Variants in TKFC observed in about 807,000 individuals in gnomAD.
The protein encoded by TKFC is triokinase/FMN cyclase.
A neutral mutation model predicts 61.0 loss-of-function variants in TKFC; 46 were observed. The observed-to-expected ratio is 0.75, with a 90% CI of 0.60 to 0.96. The LOEUF (loss-of-function observed/expected upper bound fraction) is 0.96, where lower values mean the gene tolerates loss of function less well. Ranked by LOEUF, TKFC falls within the 50% of genes least tolerant of loss-of-function variation. The probability of loss-of-function intolerance (pLI) is 0.00; values close to 1 mark genes in which losing one functional copy is unlikely to be tolerated. For synonymous variants in TKFC, 314 were observed against 330.1 expected (o/e 0.95, Z 0.53); for missense variants, 715 against 777.5 (o/e 0.92, Z 0.96).
rs1254274397 is a variant in TKFC, at chr11:61,343,008, C to T, written c.865+164C>T. On this transcript the variant is annotated intron_variant, in intron 10 of 17. Transcript: ENST00000394900. ...CTTGAGCCTCTGTTTGTTTTCTTGTCTGCAAATTGGGGGTAATAATAATGG... is the reference window on the plus strand; with the variant it reads ...CTTGAGCCTCTGTTTGTTTTCTTGTTTGCAAATTGGGGGTAATAATAATGG... 3 of 698,070 alleles carry T rather than the reference C, an allele frequency of 4.3e-6. No individual in the cohort carries two copies. In the African/African-American group the frequency reaches 5.4e-5, roughly 13 times the overall value. 43.2% of individuals were successfully genotyped at this position (698,070 alleles called of 1,614,324 possible).
At position 61,348,505 on chromosome 11, in the gene TKFC, T is replaced by G; in HGVS notation, c.*2002T>G. The G allele has an allele frequency of 1.0e-6, 1 of 985,042 alleles. No individual in the cohort carries two copies. Among genetic ancestry groups the G allele is most frequent in the Non-Finnish European group, 1.2e-6 (1 of 829,726 alleles). 61.0% of individuals were successfully genotyped at this position (985,042 alleles called of 1,614,324 possible). ...TGTTATTAGAGACTGAATGTTTGTG[T>G]CCCCCCCAAATTCCTGTGTTGAAAG... is the stretch of plus-strand genomic sequence containing the variant. On this transcript the variant is annotated 3_prime_UTR_variant, in exon 18 of 18. Coordinates refer to ENST00000394900, the MANE Select transcript of TKFC (RefSeq NM_015533.4).
intron 2 of TKFC, among the ~76,000 whole-genome samples, chr11:61,336,972 C>G (rs1224794146): frequency 6.6e-6 from 1 of 152,158 alleles, no homozygotes; most frequent in Admixed American, 6.5e-5. Flanking sequence ...CTCCTGCCCC[C>G]TTTTTCCCTA....
Position 61,342,788 on chromosome 11 carries a change from G to A in TKFC, c.809G>A (p.Gly270Asp). The A allele has an allele frequency of 1.9e-6, 3 of 1,614,038 alleles. No homozygotes were observed. Among genetic ancestry groups the A allele is most frequent in the Non-Finnish European group, 2.5e-6 (3 of 1,180,040 alleles). ...SSVVMMVNNLGGLSFLELGII... is the reference protein window; with the variant it reads ...SSVVMMVNNLDGLSFLELGII... ...GTTGTGATGATGGTCAACAACCTGGGTGGCCTGTCATTCCTGGAACTGGGC... is the reference window on the plus strand; with the variant it reads ...GTTGTGATGATGGTCAACAACCTGGATGGCCTGTCATTCCTGGAACTGGGC... The change falls in exon 10 of 18, where the codon GGT (glycine) becomes GAT (aspartate). Residue 270 changes from glycine to aspartate, a missense_variant. Transcript: ENST00000394900.
rs1857214068 is a variant in TKFC, at chr11:61,347,814, C to A, written c.*1311C>A. The A allele has an allele frequency of 1.0e-6, 1 of 973,040 alleles. No individual in the cohort carries two copies. The highest frequency in any genetic ancestry group is 1.2e-6 in the Non-Finnish European group (1 of 818,804). The allele number at this position is 973,040 out of a possible 1,614,324, so 60.3% of individuals were successfully genotyped here. ...ATCTGTAAAATCAGAATGGTACCCA[C>A]CTCATGGGGACATGAAAGGATTCAA... is the stretch of plus-strand genomic sequence containing the variant. On this transcript the variant is annotated 3_prime_UTR_variant, in exon 18 of 18. Coordinates refer to ENST00000394900, the MANE Select transcript of TKFC (RefSeq NM_015533.4).
Position 61,343,903 on chromosome 11 carries a change from A to G in TKFC, c.1030A>G (p.Ile344Val). Residue 344 changes from isoleucine to valine, a missense_variant, in exon 12 of 18, where the codon ATT becomes GTT. By Grantham distance (29) the Ile-to-Val change is conservative. Transcript: ENST00000394900. ...CTGGCCTAACGTGGCTGCAGTCTCCATTACTGGGCGGAAGCGGAGCCGGGT... is the reference window on the plus strand; with the variant it reads ...CTGGCCTAACGTGGCTGCAGTCTCCGTTACTGGGCGGAAGCGGAGCCGGGT... ...AAWPNVAAVS[I>V]TGRKRSRVAP... is the part of the protein sequence containing the mutation. 2 of 1,611,204 alleles carry G rather than the reference A, an allele frequency of 1.2e-6. No individual in the cohort carries two copies. The highest frequency in any genetic ancestry group is 1.3e-5 in the African/African-American group (1 of 75,030).
intron 2 of TKFC, 35 bp downstream of exon 2, chr11:61,334,766 A>G (rs768898400): frequency 1.2e-6 from 2 of 1,613,932 alleles, no homozygotes; most frequent in East Asian, 2.2e-5. Context: ...GAATGGCAGC[A>G]TGGTCTCAAA....
Position 61,345,477 on chromosome 11 carries a change from C to G in TKFC, c.1363C>G (p.Leu455Val). ...GSSGALYGLF[L>V]TAAAQPLKAK... ...TCTTCCCCAGCTCTATGGCCTGTTC[C>G]TGACTGCGGCTGCACAGCCCCTGAA... Residue 455 changes from leucine to valine, a missense_variant, in exon 15 of 18, where the codon CTG (leucine) becomes GTG (valine). By Grantham distance (32) the Leu-to-Val change is conservative. Transcript: ENST00000394900. 1.2e-6 allele frequency: 2 copies of G among 1,613,390 alleles called. No homozygotes were observed. The highest frequency in any genetic ancestry group is 8.5e-7 in the Non-Finnish European group (1 of 1,180,026).
In TKFC at chr11:61,342,635, C is replaced by G. The variant is rs756338140; in HGVS notation, c.752C>G (p.Ala251Gly). 1.2e-6 allele frequency: 2 copies of G among 1,614,102 alleles called. No homozygotes were observed. The highest frequency in any genetic ancestry group is 2.2e-5 in the East Asian group (1 of 44,888). ...MLDHMTNTTN[A>G]SHVPVQPGSS... ...GACCACATGACAAACACCACCAACG[C>G]GTCCCATGTGCCTGTGCAGCCCGGT... The change falls in exon 9 of 18, where the codon GCG becomes GGG. Residue 251 changes from alanine to glycine, a missense_variant. By Grantham distance (60) the Ala-to-Gly change is moderately conservative (BLOSUM62 0). Transcript: ENST00000394900.
At chr11:61,349,660 C>T (rs764286283), downstream of TKFC, 124 of 702,608 alleles carry the variant, frequency 1.8e-4, 1 homozygote, top group Non-Finnish European at 2.8e-4. Context: ...GAGGTGGAGC[C>T]GCACGGTCAC....
At chr11:61,342,901 G>T in intron 10 of TKFC, 57 bp downstream of exon 10, 1 of 1,545,694 alleles carries the variant, frequency 6.5e-7, no homozygotes. Flanking sequence ...CTGAGGGAGG[G>T]TCTTGTGATG....
At position 61,339,112 on chromosome 11, in the gene TKFC, G is replaced by A; in HGVS notation, c.240G>A (p.Val80=). Reference sequence around the variant, plus strand: ...TGACTGGGGTCATCGCGGGAGCTGTGTTCACCTCCCCGGCAGTGGGCAGCA... The same window carrying A: ...TGACTGGGGTCATCGCGGGAGCTGTATTCACCTCCCCGGCAGTGGGCAGCA... The part of the protein sequence containing the change: ...GMLTGVIAGA[V]FTSPAVGSIL... Residue 80 remains valine (V), a synonymous_variant, in exon 4 of 18, where the codon GTG becomes GTA. Coordinates refer to ENST00000394900, the MANE Select transcript of TKFC (RefSeq NM_015533.4). 2 of 1,613,790 alleles carry A rather than the reference G, an allele frequency of 1.2e-6. No homozygotes were observed. The highest frequency in any genetic ancestry group is 1.7e-6 in the Non-Finnish European group (2 of 1,180,000).
At chr11:61,339,543 C>A in intron 5 of TKFC, 108 bp downstream of exon 5, 1 of 1,282,396 alleles carries the variant, frequency 7.8e-7, no homozygotes, top group Non-Finnish European at 1.1e-6. Flanking sequence ...GAAGCTAGTT[C>A]TTTTTCTCCA....
intron 2 of TKFC, 90 bp from the exon 3 acceptor site, chr11:61,337,851 G>T (rs1856674072): frequency 1.6e-6 from 2 of 1,279,824 alleles, no homozygotes; most frequent in East Asian, 2.6e-5. Flanking sequence ...GGATGCGGGA[G>T]AGGGGTCTAC....
At chr11:61,345,821 G>T (rs765586143) in intron 16 of TKFC, 36 bp from the exon 17 acceptor site, 2 of 1,614,128 alleles carry the variant, frequency 1.2e-6, no homozygotes, top group Non-Finnish European at 1.7e-6. Context: ...CGGTTGCAGG[G>T]CCCGTGCTCA....
downstream of TKFC, chr11:61,350,723 A>G (rs1206607413): frequency 1.7e-6 from 1 of 592,194 alleles, no homozygotes; most frequent in Non-Finnish European, 2.9e-6. Context: ...GAAGAAGATA[A>G]GGCCACACTT....
chr11:61,342,884 G>C, intron 10 of TKFC, 40 bp downstream of exon 10: 1 of 1,592,664 alleles, frequency 6.3e-7, no homozygotes, highest in Non-Finnish European at 8.6e-7. Flanking sequence ...CAGCCCTTTG[G>C]AAAGGGCTGA....
intron 2 of TKFC, 148 bp downstream of exon 2, chr11:61,334,879 C>CTT: frequency 2.4e-6 from 3 of 1,242,366 alleles, no homozygotes; most frequent in Non-Finnish European, 3.4e-6. Flanking sequence ...CATCCTCTCT[C>CTT]CCAGGGTCTG....
rs768760680 is a variant in TKFC at position 61,346,453 on chromosome 11, G to T, written c.1678G>T (p.Val560Leu). The T allele has an allele frequency of 6.2e-6, 10 of 1,610,358 alleles. No homozygotes were observed. Among genetic ancestry groups the T allele is most frequent in the Non-Finnish European group, 6.8e-6 (8 of 1,179,516 alleles). ...GCTGGAGCAGCCAGACCCCGGGGCG[G>T]TGGCAGCTGCTGCCATCCTCCGGGC... ...ARLEQPDPGA[V>L]AAAAILRAIL... is the part of the protein sequence containing the mutation. The change falls in exon 18 of 18, where the codon GTG (valine) becomes TTG (leucine). Residue 560 changes from valine (V) to leucine (L), a missense_variant. Val to Leu is a conservative substitution (Grantham distance 32, BLOSUM62 1). Coordinates refer to ENST00000394900, the MANE Select transcript of TKFC (RefSeq NM_015533.4). This position sits in a 1 kb window ranked among gnomAD's most constrained non-coding sequence, Gnocchi z 4.1.
Position 61,343,400 on chromosome 11 carries a change from G to A in TKFC, c.924G>A (p.Glu308=). The A allele has an allele frequency of 6.2e-7, 1 of 1,614,222 alleles. No homozygotes were observed. Among genetic ancestry groups the A allele is most frequent in the Non-Finnish European group, 8.5e-7 (1 of 1,180,022 alleles). ...TGGGCACCTTCATGTCAGCACTGGAGATGCCTGGCATTTCTCTCACCCTCC... is the reference window on the plus strand; with the variant it reads ...TGGGCACCTTCATGTCAGCACTGGAAATGCCTGGCATTTCTCTCACCCTCC... ...ALVGTFMSAL[E]MPGISLTLLL... Residue 308 remains glutamate, a synonymous_variant, in exon 11 of 18, where the codon GAG becomes GAA. Transcript: ENST00000394900.
Sources: gnomAD v4.1 joint callset for allele counts (sites outside exome capture counted in the v4.1 genomes callset) on GRCh38, gnomAD v4.1.1 for gene constraint, Gnocchi (gnomAD v3.1) non-coding constraint, MANE v1.5 for transcripts, NCBI Gene and HGNC (gene_info 2026-07-23, HGNC 2026-07-21) for gene names.